The following GRIK4 variants were observed in gnomAD, a reference collection of about 807,000 sequenced individuals.
The protein encoded by GRIK4 is glutamate ionotropic receptor kainate type subunit 4.
GRIK4 carries 40 observed loss-of-function variants against 104.9 expected under a neutral mutation model. That is an observed-to-expected ratio of 0.38 (90% CI 0.30 to 0.50). GRIK4 has a LOEUF of 0.50. Among genes scored for constraint, GRIK4 ranks in the 20% least tolerant of loss-of-function variants. The probability of loss-of-function intolerance (pLI) is 0.93; values close to 1 mark genes in which losing one functional copy is unlikely to be tolerated. For synonymous variants in GRIK4, 485 were observed against 524.9 expected (o/e 0.92, Z 1.04); for missense variants, 1,047 against 1,308.1 (o/e 0.80, Z 3.08).
At chr11:120,738,335 A>G (rs755884725) in intron 3 of GRIK4, among the ~76,000 whole-genome samples, 5 of 152,240 alleles carry the variant, frequency 3.3e-5, no homozygotes, top group Non-Finnish European at 7.3e-5. Context: ...GAGTGGGTTC[A>G]GGTGAGAATG....
intron 1 of GRIK4, among the ~76,000 whole-genome samples, chr11:120,603,436 C>T (rs959321371): frequency 6.6e-6 from 1 of 152,226 alleles, no homozygotes; most frequent in Non-Finnish European, 1.5e-5. Flanking sequence ...CTTTTTATTT[C>T]TGCAGTTCGT....
At chr11:120,796,142 TCTC>T (rs1354187230) in intron 3 of GRIK4, among the ~76,000 whole-genome samples, 1 of 151,742 alleles carries the variant, frequency 6.6e-6, no homozygotes, top group Non-Finnish European at 1.5e-5. Flanking sequence ...TTCACGCCAT[TCTC>T]CTGCTTCAGC....
intron 13 of GRIK4, chr11:120,936,086 T>G (rs1161898507): frequency 1.3e-5 from 3 of 226,326 alleles, no homozygotes; most frequent in Non-Finnish European, 2.7e-5. Flanking sequence ...CTCTTCATCT[T>G]CCTTGTTTTC....
In GRIK4 at chr11:120,831,929, A is replaced by C; in HGVS notation, c.589A>C (p.Thr197Pro). ...GCTGTCCGTCCGCATGCTGGATGAC[A>C]CCCGGGACCCCACCCCGCTCCTCAA... ...DTLSVRMLDD[T>P]RDPTPLLKEI... The change falls in exon 7 of 21, where the codon ACC (threonine) becomes CCC (proline). Residue 197 changes from threonine to proline, a missense_variant. Physicochemically the swap from Thr to Pro is conservative, Grantham distance 38. This residue lies in a region of GRIK4 where 447 missense variants were observed against 514.9 expected (regional missense o/e 0.87). Coordinates refer to ENST00000527524, the MANE Select transcript of GRIK4 (RefSeq NM_014619.5). The C allele has an allele frequency of 6.2e-7, 1 of 1,613,730 alleles. No homozygotes were observed. The highest frequency in any genetic ancestry group is 1.1e-5 in the South Asian group (1 of 91,036).
intron 1 of GRIK4, among the ~76,000 whole-genome samples, chr11:120,577,459 C>T (rs749058574): frequency 6.6e-6 from 1 of 152,078 alleles, no homozygotes. Flanking sequence ...CAGACACCAT[C>T]TCGGGGGGTT....
intron 1 of GRIK4, among the ~76,000 whole-genome samples, chr11:120,586,326 G>C (rs1056953499): frequency 1.3e-5 from 2 of 152,108 alleles, no homozygotes; most frequent in Non-Finnish European, 2.9e-5. Flanking sequence ...AGGGTGATGA[G>C]GAAATTGAAA....
chr11:120,512,618 T>C lies in GRIK4; in HGVS notation c.-159+731T>C, dbSNP rs369142370. Among the ~76,000 whole-genome samples, 679 of 140,318 alleles carry C rather than the reference T, an allele frequency of 4.8e-3. 16 individuals are homozygous for C. The East Asian group carries it at 0.077, about 16-fold the overall frequency. 92.1% of individuals were successfully genotyped at this position (140,318 alleles called of 152,430 possible). On this transcript the variant is annotated intron_variant, in intron 1 of 20. Transcript: ENST00000527524. Reference sequence around the variant, plus strand: ...AAGTGAGGGAGAAACTCTAGAGACCTGCAATGGGCGCGTGATGGGGGAGGG... The same window carrying C: ...AAGTGAGGGAGAAACTCTAGAGACCCGCAATGGGCGCGTGATGGGGGAGGG...
intron 20 of GRIK4, among the ~76,000 whole-genome samples, chr11:120,985,627 CA>C (rs34882153): frequency 1.8e-3 from 209 of 113,916 alleles, no homozygotes; most frequent in African/African-American, 4.3e-3. Flanking sequence ...TGGAAATGTG[CA>C]AAAAAAAAAA....
chr11:120,610,962 C>T (rs1409887988), intron 1 of GRIK4, among the ~76,000 whole-genome samples: 4 of 152,162 alleles, frequency 2.6e-5, no homozygotes, highest in Middle Eastern at 3.2e-3. Context: ...AGAATGTCAG[C>T]GCAGGAAGAG....
intron 20 of GRIK4, among the ~76,000 whole-genome samples, chr11:120,985,333 A>G (rs1430243774): frequency 9.2e-5 from 14 of 152,168 alleles, no homozygotes; most frequent in Admixed American, 9.2e-4. Flanking sequence ...GGTGTGATAC[A>G]TACTCTACTG....
chr11:120,841,269 A>G (rs142186208), intron 8 of GRIK4, among the ~76,000 whole-genome samples: 5 of 152,144 alleles, frequency 3.3e-5, no homozygotes, highest in Non-Finnish European at 7.4e-5. Flanking sequence ...CAAACTCCCC[A>G]TGTCTTTTTG....
chr11:120,611,550 G>A (rs1384976045), intron 1 of GRIK4, among the ~76,000 whole-genome samples: 4 of 152,152 alleles, frequency 2.6e-5, no homozygotes, highest in African/African-American at 9.7e-5. Flanking sequence ...ATCATGATTT[G>A]CTTTCACGGC....
chr11:120,643,105 A>G (rs936484487), intron 1 of GRIK4, among the ~76,000 whole-genome samples: 8 of 152,218 alleles, frequency 5.3e-5, no homozygotes, highest in African/African-American at 1.9e-4. Context: ...TAAAGAACAA[A>G]GCAAACAAAA....
chr11:120,863,157 G>A (rs1194000372), intron 9 of GRIK4, among the ~76,000 whole-genome samples: 2 of 152,206 alleles, frequency 1.3e-5, no homozygotes, highest in Non-Finnish European at 2.9e-5. Flanking sequence ...TGGCTAGATG[G>A]AAGTACAGTG....
intron 3 of GRIK4, among the ~76,000 whole-genome samples, chr11:120,708,858 C>T (rs1323188405): frequency 7.9e-5 from 12 of 152,178 alleles, no homozygotes; most frequent in Non-Finnish European, 8.8e-5. Context: ...CTCTTACCCC[C>T]TCCCGTGCTG....
At chr11:120,872,556 C>T (rs554008608) in intron 9 of GRIK4, 5 of 153,008 alleles carry the variant, frequency 3.3e-5, no homozygotes, top group Non-Finnish European at 2.9e-5. Flanking sequence ...AGAGGAGGCT[C>T]GGAAGGGGCA....
chr11:120,628,908 A>G (rs1949296264), intron 1 of GRIK4, among the ~76,000 whole-genome samples: 1 of 152,290 alleles, frequency 6.6e-6, no homozygotes, highest in Non-Finnish European at 1.5e-5. Context: ...TTTATTAAGC[A>G]AGCAGTACTT....
intron 1 of GRIK4, among the ~76,000 whole-genome samples, chr11:120,649,333 C>T (rs555622370): frequency 6.6e-6 from 1 of 152,118 alleles, no homozygotes; most frequent in Non-Finnish European, 1.5e-5. Context: ...GGCCTACTTT[C>T]TGACGATGGT....
intron 1 of GRIK4, among the ~76,000 whole-genome samples, chr11:120,558,315 C>T (rs534473467): frequency 3.4e-4 from 52 of 152,258 alleles, no homozygotes; most frequent in African/African-American, 1.1e-3. Context: ...AGGCTGTGCA[C>T]GGTGGCTCAC....
Sources: allele counts gnomAD v4.1 joint callset (sites outside exome capture counted in the v4.1 genomes callset), GRCh38; gene constraint gnomAD v4.1.1; regional missense constraint gnomAD v4.1.1; transcripts MANE v1.5; gene names NCBI Gene and HGNC (gene_info 2026-07-23, HGNC 2026-07-21).